The following TENM2 variants were observed in gnomAD, a reference collection of about 807,000 sequenced individuals.
The protein encoded by TENM2 is teneurin transmembrane protein 2, also known as teneurin-2.
Under a neutral mutation model 245.2 loss-of-function variants are expected in TENM2, and 52 were observed. The observed-to-expected ratio is 0.21, with a 90% confidence interval of 0.17 to 0.27. TENM2 has a LOEUF of 0.27. Among genes scored for constraint, TENM2 ranks in the 10% least tolerant of loss-of-function variants. TENM2 has a pLI of 1.00. For synonymous variants in TENM2, 1,363 were observed against 1,438.9 expected (o/e 0.95, Z 1.19); for missense variants, 3,046 against 3,666.8 (o/e 0.83, Z 4.37).
At chr5:167,465,006 T>A (rs1766553514) in intron 2 of TENM2, among the ~76,000 whole-genome samples, 1 of 152,338 alleles carries the variant, frequency 6.6e-6, no homozygotes, top group East Asian at 1.9e-4. Flanking sequence ...ATGACATTGA[T>A]GTGTTTACCG....
At chr5:167,216,881 C>T in the TENM2 span, among the ~76,000 whole-genome samples, 2 of 151,658 alleles carry the variant, frequency 1.3e-5, no homozygotes, top group Admixed American at 6.6e-5. Flanking sequence ...AAGTCGAGAT[C>T]GCACCACTGC....
At chr5:167,530,332 A>C (rs576850558) in intron 2 of TENM2, among the ~76,000 whole-genome samples, 1 of 152,344 alleles carries the variant, frequency 6.6e-6, no homozygotes, top group East Asian at 1.9e-4. Flanking sequence ...GGGCCACCTA[A>C]AAATTTTCAT....
chr5:168,051,454 T>C (rs1581166647), intron 6 of TENM2, among the ~76,000 whole-genome samples: 2 of 152,086 alleles, frequency 1.3e-5, no homozygotes, highest in South Asian at 4.2e-4. Flanking sequence ...ATCTGACCCT[T>C]TAAAAAAAAT....
intron 7 of TENM2, chr5:168,088,337 G>A (rs1399459214): frequency 1.3e-5 from 2 of 152,126 alleles, no homozygotes; most frequent in African/African-American, 4.8e-5. Flanking sequence ...GATTAGAAAG[G>A]TCTCCAAAAG....
intron 2 of TENM2, among the ~76,000 whole-genome samples, chr5:167,501,395 C>T (rs963433707): frequency 1.7e-4 from 26 of 152,092 alleles, no homozygotes; most frequent in African/African-American, 5.8e-4. Context: ...TGGCAACCAG[C>T]ACCATATATA....
intron 1 of TENM2, among the ~76,000 whole-genome samples, chr5:167,354,840 G>A (rs372932785): frequency 6.6e-6 from 1 of 152,150 alleles, no homozygotes; most frequent in East Asian, 1.9e-4. Context: ...GTTGAATGAA[G>A]AAATGAATGA....
chr5:167,403,456 A>G (rs1176865508), intron 2 of TENM2, among the ~76,000 whole-genome samples: 2 of 152,172 alleles, frequency 1.3e-5, no homozygotes, highest in Non-Finnish European at 2.9e-5. Context: ...TCATTAGTTG[A>G]AATGTCTGGA....
intron 2 of TENM2, among the ~76,000 whole-genome samples, chr5:167,635,239 G>A (rs1030303195): frequency 5.3e-5 from 8 of 152,124 alleles, no homozygotes; most frequent in African/African-American, 1.9e-4. Flanking sequence ...TTTACAAATG[G>A]ATATGAATAC....
Position 167,621,106 on chromosome 5 carries a change from A to C in TENM2, c.502+245633A>C, listed in dbSNP as rs540358271. Among the ~76,000 whole-genome samples the C allele has an allele frequency of 5.3e-5, 8 of 152,308 alleles. No homozygotes were observed. The East Asian group carries it at 1.5e-3, about 29-fold the overall frequency. ...TACTTATCCATTCAGCAAGTATTTA[A>C]TAAGTGATGATGTGGGCCAGATATT... On this transcript the variant is annotated intron_variant, in intron 2 of 28. Transcript: ENST00000518659.
intron 1 of TENM2, among the ~76,000 whole-genome samples, chr5:167,315,231 A>G (rs190659872): frequency 1.4e-4 from 21 of 152,280 alleles, no homozygotes; most frequent in Non-Finnish European, 2.9e-4. Context: ...ATTTAACTAC[A>G]GTTGTAATTC....
chr5:167,724,313 T>C (rs2150529347), intron 2 of TENM2, among the ~76,000 whole-genome samples: 1 of 152,230 alleles, frequency 6.6e-6, no homozygotes, highest in East Asian at 1.9e-4. Context: ...CCCATGTACT[T>C]ACTGTGTGAC....
intron 9 of TENM2, among the ~76,000 whole-genome samples, chr5:168,106,741 A>G (rs188844039): frequency 6.4e-4 from 97 of 152,324 alleles, no homozygotes; most frequent in Non-Finnish European, 1.1e-3. Flanking sequence ...TTTCCCAGGT[A>G]GAAAGTGGGA....
chr5:167,525,382 G>A (rs1165883870), intron 2 of TENM2, among the ~76,000 whole-genome samples: 2 of 152,078 alleles, frequency 1.3e-5, no homozygotes, highest in Non-Finnish European at 2.9e-5. Flanking sequence ...GTGTTTCCTA[G>A]AGAAGTTATT....
chr5:167,625,659 T>C (rs1778457108), intron 2 of TENM2, among the ~76,000 whole-genome samples: 1 of 152,206 alleles, frequency 6.6e-6, no homozygotes, highest in South Asian at 2.1e-4. Flanking sequence ...CAAAACTTCA[T>C]GGTTTAAAAC....
intron 6 of TENM2, among the ~76,000 whole-genome samples, chr5:168,058,331 G>A (rs957863611): frequency 6.6e-6 from 1 of 152,166 alleles, no homozygotes; most frequent in Non-Finnish European, 1.5e-5. Flanking sequence ...CATTTGCCAG[G>A]TGCAAAGCTT....
At chr5:167,713,054 A>G (rs997952182) in intron 2 of TENM2, among the ~76,000 whole-genome samples, 1 of 152,112 alleles carries the variant, frequency 6.6e-6, no homozygotes, top group African/African-American at 2.4e-5. Context: ...CCATTCATAT[A>G]TGTGTATACA....
the TENM2 span, among the ~76,000 whole-genome samples, chr5:167,074,223 G>A: frequency 6.6e-6 from 1 of 152,176 alleles, no homozygotes; most frequent in South Asian, 2.1e-4. Flanking sequence ...AGGTGTAAGA[G>A]GAGATATTAA....
chr5:167,181,826 G>C, the TENM2 span, among the ~76,000 whole-genome samples: 1 of 152,028 alleles, frequency 6.6e-6, no homozygotes, highest in African/African-American at 2.4e-5. Context: ...TTTTTGCTTT[G>C]TTATGAAACT....
At chr5:167,501,908 T>C (rs1416273705) in intron 2 of TENM2, among the ~76,000 whole-genome samples, 3 of 152,264 alleles carry the variant, frequency 2.0e-5, no homozygotes, top group African/African-American at 4.8e-5. Context: ...AACTAACTTT[T>C]GCTATTATTT....
Sources: allele counts gnomAD v4.1 joint callset (sites outside exome capture counted in the v4.1 genomes callset), GRCh38; gene constraint gnomAD v4.1.1; transcripts MANE v1.5; gene names NCBI Gene and HGNC (gene_info 2026-07-23, HGNC 2026-07-21).